The following IL6ST variants were observed in gnomAD, a reference collection of about 807,000 sequenced individuals.
IL6ST encodes the protein interleukin 6 cytokine family signal transducer.
In IL6ST, 24 loss-of-function variants were observed where a neutral mutation model predicts 91.3. The ratio of observed to expected loss-of-function variants is 0.26; its 90% CI spans 0.19 to 0.37. IL6ST has a LOEUF of 0.37. IL6ST is among the 10% of genes least tolerant of loss of function. The pLI is 1.00. For synonymous variants in IL6ST, 351 were observed against 373.6 expected (o/e 0.94, Z 0.70); for missense variants, 914 against 1,078.5 (o/e 0.85, Z 2.14).
chr5:55,970,402 G>A (rs1204133403), intron 3 of IL6ST, among the ~76,000 whole-genome samples: 2 of 152,176 alleles, frequency 1.3e-5, no homozygotes, highest in Admixed American at 6.5e-5. Flanking sequence ...ATAAATGCAT[G>A]GCCCTGGGTA....
At position 55,937,059 on chromosome 5, in the gene IL6ST, T is replaced by A; in HGVS notation, c.*4023A>T. On this transcript the variant is annotated 3_prime_UTR_variant, in exon 17 of 17. Transcript: ENST00000381298. The stretch of plus-strand genomic sequence containing the variant: ...GAAATATCCCTTTGTTTCTAACACA[T>A]CACATTATGGTATTAATGTAACAGC... The A allele has an allele frequency of 5.0e-6, 1 of 201,286 alleles. No homozygotes were observed. The highest frequency in any genetic ancestry group is 1.9e-4 in the South Asian group (1 of 5,264). The allele number at this position is 201,286 out of a possible 1,614,324, so 12.5% of individuals were successfully genotyped here.
rs547493126 is a variant in IL6ST, at chr5:55,979,266, C to T, written c.-15-2973G>A. Among the ~76,000 whole-genome samples, 8 of 152,170 alleles carry T rather than the reference C, an allele frequency of 5.3e-5. No homozygotes were observed. The South Asian group carries it at 1.5e-3, about 28-fold the overall frequency. ...AAAAGAGAAAAAAGGCAAGAAAGTA[C>T]GCTCTGCATGATTTATTTTACAGAA... On this transcript the variant is annotated intron_variant, in intron 2 of 16. Coordinates refer to ENST00000381298, the MANE Select transcript of IL6ST (RefSeq NM_002184.4).
intron 2 of IL6ST, among the ~76,000 whole-genome samples, chr5:55,977,053 A>C (rs1412905982): frequency 1.3e-5 from 2 of 152,196 alleles, no homozygotes; most frequent in African/African-American, 4.8e-5. Context: ...AACTGGAAAC[A>C]ATCCAAATGT....
chr5:55,993,083 T>C (rs77327430), intron 1 of IL6ST, among the ~76,000 whole-genome samples: 5 of 152,320 alleles, frequency 3.3e-5, no homozygotes, highest in Non-Finnish European at 7.4e-5. Flanking sequence ...TGTGAGAACA[T>C]TCCATGCTTC....
chr5:55,941,777 A>C lies in IL6ST; in HGVS notation c.2062T>G (p.Phe688Val). The change falls in exon 17 of 17, where the codon TTC (phenylalanine) becomes GTC (valine). Residue 688 changes from phenylalanine (F) to valine (V), a missense_variant. Phe to Val is a conservative substitution (Grantham distance 50). Coordinates refer to ENST00000381298, the MANE Select transcript of IL6ST (RefSeq NM_002184.4). ...ATTTCCACAACACTTACATCAGTGA[A>C]ATTGCCATCTGAATACATTTGATCT... is the stretch of plus-strand genomic sequence containing the variant. Reference protein sequence around the residue: ...SKDQMYSDGNFTDVSVVEIEA... With the variant: ...SKDQMYSDGNVTDVSVVEIEA... The C allele has an allele frequency of 4.3e-6, 7 of 1,613,408 alleles. No homozygotes were observed. Among genetic ancestry groups the C allele is most frequent in the Non-Finnish European group, 5.9e-6 (7 of 1,179,602 alleles).
chr5:55,961,309 A>C (rs1752299890), intron 7 of IL6ST, among the ~76,000 whole-genome samples: 1 of 152,178 alleles, frequency 6.6e-6, no homozygotes, highest in South Asian at 2.1e-4. Flanking sequence ...AAGGGACTAC[A>C]TGCAGAGTAT....
chr5:55,953,988 A>AT lies in IL6ST; in HGVS notation c.1450+821dup, dbSNP rs759513856. On this transcript the variant is annotated intron_variant, in intron 11 of 16. Coordinates refer to ENST00000381298, the MANE Select transcript of IL6ST (RefSeq NM_002184.4). ...GGCAACAGAGTGAGACCCTGTATTT[A>AT]TTTTTTTTTAAGAAGTTTCTATAGT... 1.2e-3 allele frequency among the ~76,000 whole-genome samples: 187 copies of AT among 151,420 alleles called. 1 individual carries two copies. Among genetic ancestry groups the AT allele is most frequent in the Non-Finnish European group, 1.8e-3 (122 of 67,774 alleles).
intron 3 of IL6ST, among the ~76,000 whole-genome samples, chr5:55,974,933 T>TCCTA (rs373164752): frequency 2.8e-5 from 4 of 144,456 alleles, no homozygotes; most frequent in African/African-American, 7.7e-5. Context: ...ATAGTATTAT[T>TCCTA]CATACACACA....
At chr5:55,953,044 G>C (rs185944835) in intron 11 of IL6ST, among the ~76,000 whole-genome samples, 4 of 152,232 alleles carry the variant, frequency 2.6e-5, no homozygotes, top group African/African-American at 9.6e-5. Flanking sequence ...CTGGGCGACA[G>C]AGTGAGACTC....
Position 55,969,728 on chromosome 5 carries a change from G to A in IL6ST, c.192C>T (p.Tyr64=), listed in dbSNP as rs1444595776. The change falls in exon 4 of 17, where the codon TAC becomes TAT. Residue 64 remains tyrosine, a synonymous_variant. Transcript: ENST00000381298. ...CMDYFHVNAN[Y]IVWKTNHFTI... ...TAAAATGGTTTGTTTTCCAGACAAT[G>A]TAATTAGCATTTACATGAAAATAAT... The A allele has an allele frequency of 1.9e-6, 3 of 1,611,738 alleles. No homozygotes were observed. Among genetic ancestry groups the A allele is most frequent in the Non-Finnish European group, 2.5e-6 (3 of 1,177,962 alleles).
chr5:55,972,015 TCTA>T (rs1752996050), intron 3 of IL6ST, among the ~76,000 whole-genome samples: 1 of 152,202 alleles, frequency 6.6e-6, no homozygotes, highest in African/African-American at 2.4e-5. Flanking sequence ...GTGGAGAATC[TCTA>T]CTAAGTTACT....
intron 3 of IL6ST, among the ~76,000 whole-genome samples, chr5:55,974,996 T>G (rs1215872076): frequency 1.3e-5 from 2 of 151,646 alleles, no homozygotes; most frequent in Non-Finnish European, 1.5e-5. Context: ...CACATAAATA[T>G]TTTTACGAGA....
chr5:55,985,164 T>C (rs1322062852), intron 1 of IL6ST, among the ~76,000 whole-genome samples: 1 of 152,228 alleles, frequency 6.6e-6, no homozygotes, highest in Admixed American at 6.5e-5. Flanking sequence ...TTAATTTTAA[T>C]AAAGTTCAAT....
intron 1 of IL6ST, among the ~76,000 whole-genome samples, chr5:55,992,057 T>G (rs1298040197): frequency 6.6e-6 from 1 of 152,250 alleles, no homozygotes; most frequent in Non-Finnish European, 1.5e-5. Context: ...ATTATTCCAA[T>G]GTCTTTCCTG....
At chr5:55,951,692 A>G in intron 13 of IL6ST, 88 bp from the exon 14 acceptor site, 1 of 1,295,158 alleles carries the variant, frequency 7.7e-7, no homozygotes, top group Non-Finnish European at 1.1e-6. Flanking sequence ...GTGTTAAAAA[A>G]GAAGCGAAGT....
chr5:55,946,887 G>A (rs1003637906), intron 15 of IL6ST, among the ~76,000 whole-genome samples: 4 of 151,662 alleles, frequency 2.6e-5, no homozygotes, highest in Non-Finnish European at 4.4e-5. Context: ...AAAGACATAC[G>A]CAAAAGACTA....
At chr5:55,984,440 GTC>G (rs1409375515) in intron 1 of IL6ST, among the ~76,000 whole-genome samples, 1 of 152,186 alleles carries the variant, frequency 6.6e-6, no homozygotes, top group South Asian at 2.1e-4. Flanking sequence ...TATGACTGGT[GTC>G]TTTAAAGAGA....
chr5:55,964,284 C>CT lies in IL6ST; in HGVS notation c.519dup (p.Ala174SerfsTer4). Reference sequence around the variant, plus strand: ...CATGAGGTGGGGGTGTCACGTTTTGCTTTGCAATCAGCAAACTTGTGTGTT... The same window carrying CT: ...CATGAGGTGGGGGTGTCACGTTTTGCTTTTGCAATCAGCAAACTTGTGTGTT... On this transcript the variant is annotated frameshift_variant, in exon 6 of 17. Coordinates refer to ENST00000381298, the MANE Select transcript of IL6ST (RefSeq NM_002184.4). LOFTEE classifies it high-confidence loss of function. 6.2e-7 allele frequency: 1 copy of CT among 1,611,648 alleles called. No individual in the cohort carries two copies.
At chr5:55,957,749 C>G (rs1752076353) in intron 8 of IL6ST, among the ~76,000 whole-genome samples, 1 of 151,998 alleles carries the variant, frequency 6.6e-6, no homozygotes, top group African/African-American at 2.4e-5. Context: ...TTCAACTCCT[C>G]TCTTATTCTA....
Sources: gnomAD v4.1 joint callset for allele counts (sites outside exome capture counted in the v4.1 genomes callset) on GRCh38, gnomAD v4.1.1 for gene constraint, MANE v1.5 for transcripts, NCBI Gene and HGNC (gene_info 2026-07-23, HGNC 2026-07-21) for gene names.